The following GINS1 variants were observed in gnomAD, a reference collection of about 807,000 sequenced individuals.
The protein encoded by GINS1 is GINS complex subunit 1.
GINS1 carries 26 observed loss-of-function variants against 34.9 expected under a neutral mutation model. The ratio of observed to expected loss-of-function variants is 0.74; its 90% CI spans 0.55 to 1.03. The LOEUF is 1.03. Ranked by LOEUF, GINS1 falls within the 50% of genes least tolerant of loss-of-function variation. The pLI is 0.00. For synonymous variants in GINS1, 97 were observed against 84.4 expected (o/e 1.15, Z -0.82); for missense variants, 235 against 237.9 (o/e 0.99, Z 0.08).
intron 5 of GINS1, among the ~76,000 whole-genome samples, chr20:25,440,828 A>G (rs980401684): frequency 8.6e-5 from 13 of 151,526 alleles, no homozygotes; most frequent in Middle Eastern, 3.4e-3. Flanking sequence ...AAAAAAAAAA[A>G]AAAAGAAAGA....
At chr20:25,432,061 C>T (rs576149432) in intron 5 of GINS1, among the ~76,000 whole-genome samples, 128 of 151,932 alleles carry the variant, frequency 8.4e-4, no homozygotes, top group African/African-American at 2.9e-3. Context: ...TTAGTAGAGA[C>T]GGGGTTTCAC....
intron 1 of GINS1, among the ~76,000 whole-genome samples, chr20:25,410,408 A>C (rs537309002): frequency 2.4e-3 from 368 of 152,028 alleles, no homozygotes; most frequent in Non-Finnish European, 4.4e-3. Flanking sequence ...CTTTTGTCTC[A>C]CTAGTGCCTT....
chr20:25,426,473 A>G lies in GINS1; in HGVS notation c.447+1146A>G, dbSNP rs562910124. ...GGGAGGCTGAGGCAGGATAATCGCT[A>G]GAACCGGGGAGAAGGAGGTTGCGGT... is the stretch of plus-strand genomic sequence containing the variant. On this transcript the variant is annotated intron_variant, in intron 5 of 6. Coordinates refer to ENST00000262460, the MANE Select transcript of GINS1 (RefSeq NM_021067.5). 3.1e-4 allele frequency among the ~76,000 whole-genome samples: 47 copies of G among 152,128 alleles called. No homozygotes were observed. The South Asian group carries it at 9.6e-3, about 31-fold the overall frequency.
At chr20:25,413,154 G>GA (rs1425443110) in intron 1 of GINS1, among the ~76,000 whole-genome samples, 1 of 151,626 alleles carries the variant, frequency 6.6e-6, no homozygotes, top group Non-Finnish European at 1.5e-5. Context: ...GGGTTCAAGC[G>GA]ATTTCCCCTG....
intron 5 of GINS1, among the ~76,000 whole-genome samples, chr20:25,437,781 G>A (rs191086945): frequency 1.3e-5 from 2 of 152,258 alleles, no homozygotes; most frequent in Admixed American, 6.5e-5. Flanking sequence ...TCATATTGAA[G>A]AATAGAGCAA....
intron 5 of GINS1, among the ~76,000 whole-genome samples, chr20:25,429,624 T>C (rs933997852): frequency 3.3e-5 from 5 of 152,206 alleles, no homozygotes; most frequent in Admixed American, 1.3e-4. Flanking sequence ...AGATTGTTCG[T>C]TGTTAGTGTA....
chr20:25,418,038 C>T, intron 3 of GINS1, 67 bp from the exon 4 acceptor site: 2 of 853,686 alleles, frequency 2.3e-6, no homozygotes, highest in Non-Finnish European at 2.1e-6. Context: ...GCATCAGGGG[C>T]CAAATGAAGT....
chr20:25,413,545 T>C (rs183846811), intron 1 of GINS1: 2 of 458,636 alleles, frequency 4.4e-6, no homozygotes, highest in African/African-American at 3.9e-5. Flanking sequence ...GTGTGTAGCT[T>C]TTGAGGAACT....
At chr20:25,429,248 C>G (rs1401404286) in intron 5 of GINS1, among the ~76,000 whole-genome samples, 1 of 152,126 alleles carries the variant, frequency 6.6e-6, no homozygotes, top group Non-Finnish European at 1.5e-5. Context: ...CCTCAGCCTC[C>G]CAGAGTGCCG....
Position 25,407,750 on chromosome 20 carries a change from C to A in GINS1, c.-71C>A. ...GACTAGAACGAAAGGAGTGAGGCGC[C>A]GAGAGCCCAGATACCATTTTGGCGT... On this transcript the variant is annotated 5_prime_UTR_variant, in exon 1 of 7. Coordinates refer to ENST00000262460, the MANE Select transcript of GINS1 (RefSeq NM_021067.5). The A allele has an allele frequency of 8.4e-7, 1 of 1,183,548 alleles. No homozygotes were observed. Among genetic ancestry groups the A allele is most frequent in the Non-Finnish European group, 1.3e-6 (1 of 794,574 alleles). 73.3% of individuals were successfully genotyped at this position (1,183,548 alleles called of 1,614,324 possible).
chr20:25,429,952 G>T (rs1385604517), intron 5 of GINS1, among the ~76,000 whole-genome samples: 1 of 152,090 alleles, frequency 6.6e-6, no homozygotes, highest in Non-Finnish European at 1.5e-5. Context: ...TTGCTCTGTT[G>T]CCCAGGTTGG....
Position 25,415,050 on chromosome 20 carries a change from A to G in GINS1, c.140+1196A>G, listed in dbSNP as rs369675207. On this transcript the variant is annotated intron_variant, in intron 2 of 6. Transcript: ENST00000262460. ...GTACTGGATCAAAGTTGAAGTATTC[A>G]GGGTCTCAACTGTCTGTGACATGAG... 2.6e-4 allele frequency among the ~76,000 whole-genome samples: 40 copies of G among 152,356 alleles called. 1 individual carries two copies. In the East Asian group the frequency reaches 6.9e-3, roughly 26 times the overall value.
intron 5 of GINS1, among the ~76,000 whole-genome samples, chr20:25,441,479 G>A (rs372282364): frequency 6.0e-4 from 91 of 152,236 alleles, no homozygotes; most frequent in African/African-American, 2.0e-3. Context: ...TGCTGTCAGC[G>A]CTGACATTTA....
intron 6 of GINS1, among the ~76,000 whole-genome samples, chr20:25,442,111 A>C (rs1419175966): frequency 6.6e-6 from 1 of 152,186 alleles, no homozygotes; most frequent in African/African-American, 2.4e-5. Context: ...TTGTTCATAT[A>C]ATTTATTCTA....
At chr20:25,414,101 A>G (rs572477617) in intron 2 of GINS1, among the ~76,000 whole-genome samples, 65 of 149,238 alleles carry the variant, frequency 4.4e-4, no homozygotes, top group Non-Finnish European at 8.7e-4. Flanking sequence ...GAGGCAGGAG[A>G]ACTGTTTGTA....
At chr20:25,412,852 C>T (rs555166278) in intron 1 of GINS1, among the ~76,000 whole-genome samples, 3 of 152,134 alleles carry the variant, frequency 2.0e-5, no homozygotes. Context: ...ACTTTGCCCC[C>T]CTTTTGTAGC....
At chr20:25,440,481 T>C (rs1600944310) in intron 5 of GINS1, among the ~76,000 whole-genome samples, 1 of 152,062 alleles carries the variant, frequency 6.6e-6, no homozygotes, top group East Asian at 1.9e-4. Flanking sequence ...TACTTTTGAA[T>C]GTGTTTGAGA....
chr20:25,414,853 T>C (rs919021706), intron 2 of GINS1, among the ~76,000 whole-genome samples: 1 of 152,222 alleles, frequency 6.6e-6, no homozygotes, highest in African/African-American at 2.4e-5. Flanking sequence ...TGATTTCTGA[T>C]AGTTTGAGTG....
At chr20:25,430,718 T>C (rs1472263119) in intron 5 of GINS1, among the ~76,000 whole-genome samples, 3 of 152,012 alleles carry the variant, frequency 2.0e-5, no homozygotes, top group African/African-American at 7.2e-5. Flanking sequence ...TTAGTAGAGA[T>C]GGGGTTTCTC....
Sources: allele counts gnomAD v4.1 joint callset (sites outside exome capture counted in the v4.1 genomes callset), GRCh38; gene constraint gnomAD v4.1.1; transcripts MANE v1.5; gene names NCBI Gene and HGNC (gene_info 2026-07-23, HGNC 2026-07-21).